Variants in ARHGAP42 observed in about 807,000 individuals in gnomAD.
ARHGAP42 encodes the protein rho GTPase-activating protein 42.
A neutral mutation model predicts 125.0 loss-of-function variants in ARHGAP42; 63 were observed. The observed-to-expected ratio is 0.50, with a 90% CI of 0.41 to 0.62. The LOEUF (loss-of-function observed/expected upper bound fraction) is 0.62, where lower values mean the gene tolerates loss of function less well. ARHGAP42 is among the 20% of genes least tolerant of loss of function. ARHGAP42 has a pLI of 0.00. For missense variants in ARHGAP42, 766 were observed against 1,024.2 expected, an observed-to-expected ratio of 0.75 and a Z score of 3.44; for synonymous variants, 339 against 351.0, an observed-to-expected ratio of 0.97 and a Z score of 0.38.
intron 4 of ARHGAP42, among the ~76,000 whole-genome samples, chr11:100,874,473 C>G (rs1039975863): frequency 5.3e-5 from 8 of 152,134 alleles, no homozygotes; most frequent in African/African-American, 1.7e-4. Flanking sequence ...CAACACAATA[C>G]CAGCAGGAGA....
intron 1 of ARHGAP42, among the ~76,000 whole-genome samples, chr11:100,726,262 A>T: frequency 6.6e-6 from 1 of 152,186 alleles, no homozygotes. Flanking sequence ...AGTCTAAAGC[A>T]AGGGAGTTGG....
intron 22 of ARHGAP42, among the ~76,000 whole-genome samples, chr11:100,979,690 G>A (rs1391987810): frequency 8.1e-6 from 1 of 123,516 alleles, no homozygotes; most frequent in Non-Finnish European, 1.7e-5. Flanking sequence ...TAAAGTCAGA[G>A]GCTTTTCATT....
At chr11:100,829,219 G>A (rs1164722215) in intron 3 of ARHGAP42, among the ~76,000 whole-genome samples, 5 of 151,984 alleles carry the variant, frequency 3.3e-5, no homozygotes, top group African/African-American at 9.7e-5. Flanking sequence ...GGGAAAAAAA[G>A]CATGGTGGCT....
intron 3 of ARHGAP42, among the ~76,000 whole-genome samples, chr11:100,837,377 T>C (rs1864814126): frequency 6.6e-6 from 1 of 152,114 alleles, no homozygotes; most frequent in South Asian, 2.1e-4. Flanking sequence ...GCTTTGGACA[T>C]CAAAATCTGG....
Position 100,990,460 on chromosome 11 carries a change from G to A in ARHGAP42, c.*1659G>A, listed in dbSNP as rs2135341031. 1 of 152,254 alleles carries A rather than the reference G, an allele frequency of 6.6e-6. No homozygotes were observed. The highest frequency in any genetic ancestry group is 2.4e-5 in the African/African-American group (1 of 41,552). 9.4% of individuals were successfully genotyped at this position (152,254 alleles called of 1,614,324 possible). ...AATAAGATTAGAATTAACAAGTAGA[G>A]AGAATAACGGTAGGCAGAGTCAGAA... On this transcript the variant is annotated 3_prime_UTR_variant, in exon 24 of 24. Coordinates refer to ENST00000298815, the MANE Select transcript of ARHGAP42 (RefSeq NM_152432.4).
intron 1 of ARHGAP42, among the ~76,000 whole-genome samples, chr11:100,735,016 AC>A (rs1166725640): frequency 6.6e-6 from 1 of 152,012 alleles, no homozygotes; most frequent in Non-Finnish European, 1.5e-5. Flanking sequence ...AACAACAACA[AC>A]AACAACAACA....
chr11:100,909,425 A>T (rs1281896844), intron 4 of ARHGAP42, among the ~76,000 whole-genome samples: 1 of 149,454 alleles, frequency 6.7e-6, no homozygotes, highest in East Asian at 2.0e-4. Flanking sequence ...GGCTCACTGC[A>T]ACCTCTGCTC....
At chr11:100,696,984 G>A (rs1342940775) in intron 1 of ARHGAP42, among the ~76,000 whole-genome samples, 2 of 152,036 alleles carry the variant, frequency 1.3e-5, no homozygotes, top group Non-Finnish European at 2.9e-5. Flanking sequence ...ATCTCTAGGA[G>A]GGTTGTCAAT....
At chr11:100,877,003 G>A (rs972540886) in intron 4 of ARHGAP42, among the ~76,000 whole-genome samples, 4 of 152,190 alleles carry the variant, frequency 2.6e-5, no homozygotes, top group African/African-American at 4.8e-5. Context: ...GAGAAGTGAA[G>A]TGAGCTCACT....
At chr11:100,932,455 G>A (rs1411353275) in intron 6 of ARHGAP42, among the ~76,000 whole-genome samples, 3 of 152,088 alleles carry the variant, frequency 2.0e-5, no homozygotes, top group Non-Finnish European at 4.4e-5. Context: ...CCTGTGTCCT[G>A]TAATTCCATG....
intron 3 of ARHGAP42, chr11:100,839,864 A>ATAAT (rs966809508): frequency 4.6e-5 from 7 of 152,124 alleles, no homozygotes; most frequent in Non-Finnish European, 8.8e-5. Flanking sequence ...AAGCTTTCAA[A>ATAAT]TAATTGGTGA....
intron 3 of ARHGAP42, among the ~76,000 whole-genome samples, chr11:100,831,647 G>A (rs941032563): frequency 3.9e-5 from 6 of 152,180 alleles, no homozygotes; most frequent in African/African-American, 1.4e-4. Flanking sequence ...CTTGCTGGGG[G>A]TTGCTTGTGG....
At chr11:100,792,698 G>A (rs1204571080) in intron 2 of ARHGAP42, among the ~76,000 whole-genome samples, 1 of 151,076 alleles carries the variant, frequency 6.6e-6, no homozygotes, top group African/African-American at 2.4e-5. Flanking sequence ...TATTGTGATT[G>A]TGTTATTTGT....
intron 3 of ARHGAP42, among the ~76,000 whole-genome samples, chr11:100,834,927 C>A (rs1219234761): frequency 6.8e-6 from 1 of 147,598 alleles, no homozygotes; most frequent in Non-Finnish European, 1.5e-5. Context: ...GTCTTCCTGT[C>A]TAAAAACATT....
intron 12 of ARHGAP42, among the ~76,000 whole-genome samples, chr11:100,952,355 A>C (rs1233480102): frequency 7.9e-5 from 12 of 152,170 alleles, no homozygotes. Flanking sequence ...TGACAAATAT[A>C]ATCTTTTCAA....
intron 1 of ARHGAP42, among the ~76,000 whole-genome samples, chr11:100,729,238 T>A (rs1167071283): frequency 1.3e-5 from 2 of 152,156 alleles, no homozygotes; most frequent in African/African-American, 2.4e-5. Flanking sequence ...CACTTTTTTT[T>A]AAAGTGGTAT....
At chr11:100,798,886 G>C (rs1490898855) in intron 3 of ARHGAP42, among the ~76,000 whole-genome samples, 1 of 152,128 alleles carries the variant, frequency 6.6e-6, no homozygotes, top group Non-Finnish European at 1.5e-5. Context: ...TGTTATTAAG[G>C]TGCCCTTGAC....
intron 1 of ARHGAP42, among the ~76,000 whole-genome samples, chr11:100,769,217 G>A (rs190240979): frequency 3.3e-5 from 5 of 152,300 alleles, no homozygotes; most frequent in Admixed American, 2.0e-4. Context: ...TAACTACTGT[G>A]GTGTATGTTT....
At chr11:100,927,572 A>G (rs147677873) in intron 6 of ARHGAP42, among the ~76,000 whole-genome samples, 1 of 151,960 alleles carries the variant, frequency 6.6e-6, no homozygotes, top group East Asian at 2.0e-4. Flanking sequence ...ACTGCATCCT[A>G]TGTGTTTGGT....
Sources: gnomAD v4.1 joint callset for allele counts (sites outside exome capture counted in the v4.1 genomes callset) on GRCh38, gnomAD v4.1.1 for gene constraint, MANE v1.5 for transcripts, NCBI Gene and HGNC (gene_info 2026-07-23, HGNC 2026-07-21) for gene names.